Variants in DNM1 observed in about 807,000 individuals in gnomAD.
The protein encoded by DNM1 is dynamin 1.
DNM1 carries 29 observed loss-of-function variants against 104.6 expected under a neutral mutation model. The observed-to-expected ratio is 0.28, with a 90% confidence interval of 0.21 to 0.38. DNM1 has a LOEUF of 0.38. DNM1 is among the 10% of genes least tolerant of loss of function. The pLI is 1.00. For missense variants in DNM1, 640 were observed against 1,189.4 expected (o/e 0.54, Z 6.79); for synonymous variants, 445 against 475.8 (o/e 0.94, Z 0.84).
chr9:128,206,038 G>A (rs1392137265), intron 1 of DNM1, among the ~76,000 whole-genome samples: 1 of 152,206 alleles, frequency 6.6e-6, no homozygotes, highest in Non-Finnish European at 1.5e-5. Context: ...CTGAAAGCTA[G>A]TGAGAAGGCC....
intron 21 of DNM1, 151 bp downstream of exon 21, chr9:128,251,091 G>T (rs1829490248): frequency 9.0e-6 from 6 of 664,558 alleles, no homozygotes; most frequent in Non-Finnish European, 1.6e-5. Context: ...GCCACGCCAC[G>T]TGTGGCCGAG....
intron 10 of DNM1, among the ~76,000 whole-genome samples, chr9:128,226,351 A>G (rs912204439): frequency 6.6e-6 from 1 of 152,164 alleles, no homozygotes; most frequent in Admixed American, 6.5e-5. Flanking sequence ...CCAGGCCCCC[A>G]TCCCAGAAGA....
chr9:128,254,109 C>T lies in DNM1; in HGVS notation c.2535-545C>T. ...TGGCCACTGGCATCCGGCTGCCTGC[C>T]CTCCCTGCCTCCCCCAGGGTCCCTT... is the stretch of plus-strand genomic sequence containing the variant. On this transcript the variant is annotated intron_variant, in intron 21 of 21. Transcript: ENST00000372923. The surrounding 1 kb of genome is among the most constrained non-coding windows in gnomAD (Gnocchi z 6.1). 7.9e-7 allele frequency: 1 copy of T among 1,258,546 alleles called. No homozygotes were observed. The highest frequency in any genetic ancestry group is 1.5e-5 in the African/African-American group (1 of 64,648). The allele number at this position is 1,258,546 out of a possible 1,614,324, so 78.0% of individuals were successfully genotyped here. A position where few individuals can be genotyped will look rare whatever the true frequency, so the allele number is the denominator to read the frequency against.
rs1263079664 is a variant in DNM1 at position 128,245,212 on chromosome 9, C to A, written c.1672-1182C>A. 6.6e-6 allele frequency among the ~76,000 whole-genome samples: 1 copy of A among 152,150 alleles called. No individual in the cohort carries two copies. Among genetic ancestry groups the A allele is most frequent in the East Asian group, 1.9e-4 (1 of 5,202 alleles). On this transcript the variant is annotated intron_variant, in intron 15 of 21. Coordinates refer to ENST00000372923, the MANE Select transcript of DNM1 (RefSeq NM_004408.4). This position sits in a 1 kb window ranked among gnomAD's most constrained non-coding sequence, Gnocchi z 5.2. ...CCCAGCCGCCCTCTGGGGCTCCCGG[C>A]CACCCGCCTGGCATAAAGAGGGCTT... is the stretch of plus-strand genomic sequence containing the variant.
Position 128,254,025 on chromosome 9 carries a change from C to G in DNM1, c.2535-629C>G. 2.4e-6 allele frequency: 3 copies of G among 1,236,548 alleles called. No individual in the cohort carries two copies. The highest frequency in any genetic ancestry group is 2.0e-6 in the Non-Finnish European group (2 of 991,302). 76.6% of individuals were successfully genotyped at this position (1,236,548 alleles called of 1,614,324 possible). A position where few individuals can be genotyped will look rare whatever the true frequency, so the allele number is the denominator to read the frequency against. On this transcript the variant is annotated intron_variant, in intron 21 of 21. Transcript: ENST00000372923. The surrounding 1 kb of genome is among the most constrained non-coding windows in gnomAD (Gnocchi z 6.1). ...TCCCAGCAGGAAGGGCCCAGCCTCACCTACGAGACCTGCAGCCCCCCGACC... is the reference window on the plus strand; with the variant it reads ...TCCCAGCAGGAAGGGCCCAGCCTCAGCTACGAGACCTGCAGCCCCCCGACC...
At position 128,220,440 on chromosome 9, in the gene DNM1, T is replaced by C. The variant is rs1293490427; in HGVS notation, c.849+99T>C. The C allele has an allele frequency of 7.0e-7, 1 of 1,431,494 alleles. No individual in the cohort carries two copies. Among genetic ancestry groups the C allele is most frequent in the Non-Finnish European group, 9.5e-7 (1 of 1,054,800 alleles). 88.7% of individuals were successfully genotyped at this position (1,431,494 alleles called of 1,614,324 possible). On this transcript the variant is annotated intron_variant, in intron 6 of 21. Transcript: ENST00000372923. This position sits in a 1 kb window ranked among gnomAD's most constrained non-coding sequence, Gnocchi z 5.2. Reference sequence around the variant, plus strand: ...TGAACAGCAGAGGTTAGCCTCTCCGTAGTGCAGATAGACAAACTGAGCCTC... The same window carrying C: ...TGAACAGCAGAGGTTAGCCTCTCCGCAGTGCAGATAGACAAACTGAGCCTC...
Position 128,254,727 on chromosome 9 carries a change from T to G in DNM1, c.*13T>G, listed in dbSNP as rs1588471308. 6.3e-7 allele frequency: 1 copy of G among 1,594,902 alleles called. No individual in the cohort carries two copies. The highest frequency in any genetic ancestry group is 2.2e-5 in the East Asian group (1 of 44,820). ...CTTCGACCTCTAAACAGATCCCTCC[T>G]CTTCTCGGAGACCTCCCTTTCCAAG... On this transcript the variant is annotated 3_prime_UTR_variant, in exon 22 of 22. Coordinates refer to ENST00000372923, the MANE Select transcript of DNM1 (RefSeq NM_004408.4). This position sits in a 1 kb window ranked among gnomAD's most constrained non-coding sequence, Gnocchi z 6.1.
In DNM1 at chr9:128,250,902, G is replaced by A. The variant is rs2131299802; in HGVS notation, c.2496G>A (p.Val832=). The A allele has an allele frequency of 7.3e-7, 1 of 1,369,522 alleles. No homozygotes were observed. The highest frequency in any genetic ancestry group is 1.5e-5 in the African/African-American group (1 of 66,334). The allele number at this position is 1,369,522 out of a possible 1,614,324, so 84.8% of individuals were successfully genotyped here. ...SPDPFGPPPQ[V]PSRPNRAPPG... is the part of the protein sequence containing the mutation. Reference sequence around the variant, plus strand: ...ACCCTTTCGGCCCTCCCCCTCAGGTGCCCTCGCGCCCCAACCGCGCCCCGC... The same window carrying A: ...ACCCTTTCGGCCCTCCCCCTCAGGTACCCTCGCGCCCCAACCGCGCCCCGC... The change falls in exon 21 of 22, where the codon GTG becomes GTA. Residue 832 remains valine (V), a synonymous_variant. Transcript: ENST00000372923.
At chr9:128,216,053 C>T (rs767100462) in intron 1 of DNM1, among the ~76,000 whole-genome samples, 1 of 152,006 alleles carries the variant, frequency 6.6e-6, no homozygotes, top group Non-Finnish European at 1.5e-5. Context: ...CCCTCTGTGC[C>T]GCCTGGCACA....
At chr9:128,211,394 T>C (rs1477258378) in intron 1 of DNM1, among the ~76,000 whole-genome samples, 1 of 151,006 alleles carries the variant, frequency 6.6e-6, no homozygotes, top group Non-Finnish European at 1.5e-5. Context: ...TTACAGTGCG[T>C]GGGAAAAATA....
chr9:128,245,220 C>T lies in DNM1; in HGVS notation c.1672-1174C>T, dbSNP rs1836708861. On this transcript the variant is annotated intron_variant, in intron 15 of 21. Transcript: ENST00000372923. The surrounding 1 kb of genome is among the most constrained non-coding windows in gnomAD (Gnocchi z 5.2). ...CCCTCTGGGGCTCCCGGCCACCCGC[C>T]TGGCATAAAGAGGGCTTTATGTGGC... Among the ~76,000 whole-genome samples the T allele has an allele frequency of 6.6e-6, 1 of 151,878 alleles. No homozygotes were observed. The highest frequency in any genetic ancestry group is 1.5e-5 in the Non-Finnish European group (1 of 67,918).
At position 128,203,563 on chromosome 9, in the gene DNM1, GC is replaced by G; in HGVS notation, c.95del (p.Pro32ArgfsTer21). ...TCGGCCAGAACGCGGACCTCGACCT[GC>G]CGCAGATCGCTGTGGTGGGCGGCCA... The part of the protein sequence containing the change: ...AIGQNADLDL[P>X]QIAVVGGQSA... On this transcript the variant is annotated frameshift_variant, in exon 1 of 22. Coordinates refer to ENST00000372923, the MANE Select transcript of DNM1 (RefSeq NM_004408.4). LOFTEE classifies it high-confidence loss of function. The surrounding 1 kb of genome is among the most constrained non-coding windows in gnomAD (Gnocchi z 5.3). 1 of 1,550,696 alleles carries G rather than the reference GC, an allele frequency of 6.4e-7. No homozygotes were observed. Among genetic ancestry groups the G allele is most frequent in the Non-Finnish European group, 8.7e-7 (1 of 1,151,874 alleles).
At chr9:128,225,849 G>A (rs1040525680) in intron 10 of DNM1, among the ~76,000 whole-genome samples, 8 of 151,960 alleles carry the variant, frequency 5.3e-5, no homozygotes, top group Non-Finnish European at 7.4e-5. Context: ...AGGGAGGGCC[G>A]GTCCCACGCT....
chr9:128,234,855 T>C (rs1275125083), intron 11 of DNM1: 3 of 152,010 alleles, frequency 2.0e-5, no homozygotes, highest in Non-Finnish European at 4.4e-5. Flanking sequence ...TACAGTGGCA[T>C]GAAATCGGTT....
At chr9:128,219,014 T>G in intron 3 of DNM1, 35 bp from the exon 4 acceptor site, 1 of 1,609,474 alleles carries the variant, frequency 6.2e-7, no homozygotes, top group Non-Finnish European at 8.5e-7. Flanking sequence ...GCCACGCCCC[T>G]CGCCTTGAGC....
At position 128,218,489 on chromosome 9, in the gene DNM1, AG is replaced by A; in HGVS notation, c.236-88del. ...GTGGTGGTTCTGCTTGGGTGTGTCT[AG>A]GGGGTTCTATTACCGGTGGGAGATG... On this transcript the variant is annotated intron_variant, in intron 2 of 21. Transcript: ENST00000372923. This position sits in a 1 kb window ranked among gnomAD's most constrained non-coding sequence, Gnocchi z 4.8. The A allele has an allele frequency of 1.3e-6, 2 of 1,483,264 alleles. No individual in the cohort carries two copies. Among genetic ancestry groups the A allele is most frequent in the African/African-American group, 2.8e-5 (2 of 72,190 alleles). 91.9% of individuals were successfully genotyped at this position (1,483,264 alleles called of 1,614,324 possible).
chr9:128,210,040 CTGTT>C (rs1267789702), intron 1 of DNM1, among the ~76,000 whole-genome samples: 1 of 150,634 alleles, frequency 6.6e-6, no homozygotes, highest in Non-Finnish European at 1.5e-5. Context: ...TTTGTTTTGT[CTGTT>C]TTGTTTTGTT....
chr9:128,209,908 G>A (rs1248873947), intron 1 of DNM1, among the ~76,000 whole-genome samples: 1 of 152,224 alleles, frequency 6.6e-6, no homozygotes, highest in Admixed American at 6.5e-5. Flanking sequence ...GCCCCATGGG[G>A]AGGGTGAAGC....
Position 128,240,041 on chromosome 9 carries a change from G to A in DNM1, c.1557+45G>A, listed in dbSNP as rs750787400. The A allele has an allele frequency of 5.6e-6, 9 of 1,611,936 alleles. No homozygotes were observed. Among genetic ancestry groups the A allele is most frequent in the South Asian group, 4.4e-5 (4 of 91,038 alleles). The stretch of plus-strand genomic sequence containing the variant: ...CTCTCGGCTTGTGTAGTGAGGGGGC[G>A]GAGGGTCCATCGGCAGTGGGGATCT... On this transcript the variant is annotated intron_variant, in intron 14 of 21. Transcript: ENST00000372923. The surrounding 1 kb of genome is among the most constrained non-coding windows in gnomAD (Gnocchi z 5.1).
Sources: allele counts gnomAD v4.1 joint callset (sites outside exome capture counted in the v4.1 genomes callset), GRCh38; gene constraint gnomAD v4.1.1; non-coding constraint Gnocchi (gnomAD v3.1); transcripts MANE v1.5; gene names NCBI Gene and HGNC (gene_info 2026-07-23, HGNC 2026-07-21).